Variants in GALNT2 observed in about 807,000 individuals in gnomAD.
GALNT2 encodes the protein UDP-GalNAc:polypeptide N-acetylgalactosaminyltransferase 2.
Under a neutral mutation model 81.4 loss-of-function variants are expected in GALNT2, and 31 were observed. That is an observed-to-expected ratio of 0.38 (90% CI 0.29 to 0.51). The LOEUF (loss-of-function observed/expected upper bound fraction) is 0.51. Among genes scored for constraint, GALNT2 ranks in the 20% least tolerant of loss-of-function variants. The pLI is 0.87. For synonymous variants in GALNT2, 303 were observed against 287.4 expected, an observed-to-expected ratio of 1.05 and a Z score of -0.55; for missense variants, 629 against 765.7, an observed-to-expected ratio of 0.82 and a Z score of 2.11.
At chr1:230,169,210 T>G (rs1226762472) in intron 1 of GALNT2, among the ~76,000 whole-genome samples, 2 of 152,062 alleles carry the variant, frequency 1.3e-5, no homozygotes, top group African/African-American at 4.8e-5. Context: ...GGAAGAGGAG[T>G]AAAGGCTGGA....
intron 2 of GALNT2, among the ~76,000 whole-genome samples, chr1:230,195,289 G>A (rs1440003865): frequency 6.6e-6 from 1 of 152,132 alleles, no homozygotes; most frequent in East Asian, 1.9e-4. Flanking sequence ...GTTAGATGTG[G>A]TTAAACTTGA....
intron 3 of GALNT2, among the ~76,000 whole-genome samples, chr1:230,207,957 C>G (rs4846929): frequency 0.11 from 17,086 of 152,038 alleles, 1,909 homozygotes; most frequent in East Asian, 0.57. Context: ...TCTATCTTGG[C>G]GGTACATGTG....
chr1:230,212,575 C>A (rs1245880417), intron 3 of GALNT2, among the ~76,000 whole-genome samples: 1 of 152,068 alleles, frequency 6.6e-6, no homozygotes, highest in African/African-American at 2.4e-5. Flanking sequence ...GACATCTCTG[C>A]CTGCTGTTGG....
chr1:230,175,609 C>CCTCCTT lies in GALNT2; in HGVS notation c.127-2605_127-2604insTTCTCC, dbSNP rs1292564975. 1.0e-4 allele frequency among the ~76,000 whole-genome samples: 13 copies of CCTCCTT among 126,674 alleles called. No homozygotes were observed. In the South Asian group the frequency reaches 3.8e-3, roughly 37 times the overall value. 83.1% of individuals were successfully genotyped at this position (126,674 alleles called of 152,430 possible). ...CTCCTCGTCCCCTCCTCGTCCTCCT[C>CCTCCTT]CTCCCCCTCCCTCTCCCCTCCTCCT... On this transcript the variant is annotated intron_variant, in intron 1 of 15. Transcript: ENST00000366672.
chr1:230,232,107 T>G (rs552388364), intron 3 of GALNT2, among the ~76,000 whole-genome samples: 1 of 152,186 alleles, frequency 6.6e-6, no homozygotes, highest in African/African-American at 2.4e-5. Context: ...ATACAAAATT[T>G]ATTCTTTTTC....
chr1:230,155,324 G>A (rs1034962577), intron 1 of GALNT2, among the ~76,000 whole-genome samples: 11 of 152,286 alleles, frequency 7.2e-5, no homozygotes, highest in Non-Finnish European at 1.5e-4. Flanking sequence ...GTTTTCGCTC[G>A]GAGGTGGGCC....
chr1:230,079,395 C>G (rs964732043), intron 1 of GALNT2, among the ~76,000 whole-genome samples: 1 of 152,212 alleles, frequency 6.6e-6, no homozygotes, highest in African/African-American at 2.4e-5. Flanking sequence ...GCTTTTCTTC[C>G]CACATTCACA....
At chr1:230,233,406 A>T (rs1455109777) in intron 3 of GALNT2, among the ~76,000 whole-genome samples, 2 of 152,316 alleles carry the variant, frequency 1.3e-5, no homozygotes, top group East Asian at 3.9e-4. Context: ...CGAGGTCAGG[A>T]GTTCGAGACC....
chr1:230,142,387 G>GC (rs1315242212), intron 1 of GALNT2, among the ~76,000 whole-genome samples: 1 of 152,098 alleles, frequency 6.6e-6, no homozygotes, highest in African/African-American at 2.4e-5. Context: ...GACTCACTGT[G>GC]CCCCCCATGC....
chr1:230,199,188 A>G (rs1326815042), intron 2 of GALNT2, among the ~76,000 whole-genome samples: 2 of 152,206 alleles, frequency 1.3e-5, no homozygotes, highest in Non-Finnish European at 2.9e-5. Context: ...AAGGCAATAT[A>G]TTCAGACGTT....
chr1:230,073,242 C>A (rs928708131), intron 1 of GALNT2, among the ~76,000 whole-genome samples: 1 of 152,200 alleles, frequency 6.6e-6, no homozygotes, highest in Non-Finnish European at 1.5e-5. Context: ...GTGAAGATTC[C>A]TTTACCTTGG....
Position 230,280,472 on chromosome 1 carries a change from T to C in GALNT2, c.*1014T>C, listed in dbSNP as rs13728. The C allele has an allele frequency of 0.27, 43,869 of 163,288 alleles. 8,001 individuals are homozygous for C. The highest frequency in any genetic ancestry group is 0.74 in the East Asian group (4,454 of 5,994). 10.1% of individuals were successfully genotyped at this position (163,288 alleles called of 1,614,324 possible). ...ATATAAGACATACCCCATAGCTCTG[T>C]GTGAGCCAGCAATACCGCTGCCCCC... On this transcript the variant is annotated 3_prime_UTR_variant, in exon 16 of 16. Transcript: ENST00000366672.
intron 3 of GALNT2, among the ~76,000 whole-genome samples, chr1:230,232,978 C>G (rs960591498): frequency 6.6e-6 from 1 of 152,054 alleles, no homozygotes; most frequent in Admixed American, 6.5e-5. Context: ...TAAAAGAAGC[C>G]CATTTTGTGA....
chr1:230,064,923 T>C (rs367684588), upstream of GALNT2, among the ~76,000 whole-genome samples: 20 of 152,374 alleles, frequency 1.3e-4, no homozygotes, highest in South Asian at 6.2e-4. Context: ...AGCAATTTGA[T>C]CTTTTTTGCC....
At chr1:230,234,086 CG>C (rs900094744) in intron 3 of GALNT2, among the ~76,000 whole-genome samples, 43 of 152,126 alleles carry the variant, frequency 2.8e-4, no homozygotes, top group African/African-American at 1.0e-3. Context: ...TGAAAGAATA[CG>C]TGAAAAGGCT....
At chr1:230,189,635 C>G (rs1663453049) in intron 2 of GALNT2, among the ~76,000 whole-genome samples, 1 of 152,160 alleles carries the variant, frequency 6.6e-6, no homozygotes, top group African/African-American at 2.4e-5. Flanking sequence ...GTGCATTTAT[C>G]TTTTTAATTG....
chr1:230,244,254 G>A (rs955327069), intron 7 of GALNT2, among the ~76,000 whole-genome samples: 2 of 152,020 alleles, frequency 1.3e-5, no homozygotes, highest in African/African-American at 4.8e-5. Context: ...CCTTTATCAA[G>A]TTGGGGCTAG....
At position 230,198,496 on chromosome 1, in the gene GALNT2, G is replaced by A. The variant is rs967697805; in HGVS notation, c.221-4641G>A. Among the ~76,000 whole-genome samples the A allele has an allele frequency of 2.0e-5, 3 of 151,968 alleles. No homozygotes were observed. The South Asian group carries it at 6.3e-4, about 32-fold the overall frequency. ...GCAGGACAGCAGCCCAGGAGCGTAC[G>A]AGGAGTGGCAGGGGCAGGACAGCAG... On this transcript the variant is annotated intron_variant, in intron 2 of 15. Coordinates refer to ENST00000366672, the MANE Select transcript of GALNT2 (RefSeq NM_004481.5).
intron 10 of GALNT2, among the ~76,000 whole-genome samples, chr1:230,253,297 C>T (rs1239844159): frequency 1.3e-5 from 2 of 152,176 alleles, no homozygotes; most frequent in East Asian, 3.9e-4. Context: ...TCACCCATTC[C>T]TAGTGAGTGA....
Sources: gnomAD v4.1 joint callset for allele counts (sites outside exome capture counted in the v4.1 genomes callset) on GRCh38, gnomAD v4.1.1 for gene constraint, MANE v1.5 for transcripts, NCBI Gene and HGNC (gene_info 2026-07-23, HGNC 2026-07-21) for gene names.